The following RBPJ variants were observed in gnomAD, a reference collection of about 807,000 sequenced individuals.
RBPJ encodes the protein recombining binding protein suppressor of hairless.
In RBPJ, 9 loss-of-function variants were observed where a neutral mutation model predicts 67.8. The ratio of observed to expected loss-of-function variants is 0.13; its 90% CI spans 0.08 to 0.23. The LOEUF is 0.23. RBPJ is among the 10% of genes least tolerant of loss of function. The pLI is 1.00. For missense variants in RBPJ, 305 were observed against 595.6 expected (o/e 0.51, Z 5.08); for synonymous variants, 198 against 203.3 (o/e 0.97, Z 0.22).
At chr4:26,120,079 T>G in the RBPJ span, among the ~76,000 whole-genome samples, 4 of 152,134 alleles carry the variant, frequency 2.6e-5, no homozygotes, top group African/African-American at 9.7e-5. Flanking sequence ...GAGACACCAG[T>G]AAATGGACAC....
chr4:26,320,870 G>C, upstream of RBPJ: 7 of 1,577,134 alleles, frequency 4.4e-6, no homozygotes, highest in Middle Eastern at 1.8e-4. Flanking sequence ...GGCGGCGCGA[G>C]GCGTCTGGCT....
intron 1 of RBPJ, among the ~76,000 whole-genome samples, chr4:26,282,130 CTCTCTCTT>C (rs1721292661): frequency 1.3e-5 from 1 of 75,620 alleles, no homozygotes; most frequent in African/African-American, 4.2e-5. Flanking sequence ...AATCCTCTCT[CTCTCTCTT>C]TTTTTTTTTT....
intron 1 of RBPJ, among the ~76,000 whole-genome samples, chr4:26,374,009 C>T (rs922710935): frequency 6.7e-6 from 1 of 149,532 alleles, no homozygotes; most frequent in Non-Finnish European, 1.5e-5. Flanking sequence ...GCCTCCGCCT[C>T]CTGGGTTCAA....
Position 26,314,216 on chromosome 4 carries a change from T to G in RBPJ, c.-166-48230T>G, listed in dbSNP as rs565551373. Among the ~76,000 whole-genome samples the G allele has an allele frequency of 1.5e-3, 224 of 152,284 alleles. No homozygotes were observed. The Middle Eastern group carries it at 0.017, about 12-fold the overall frequency. On this transcript the variant is annotated intron_variant, in intron 1 of 4. Coordinates refer to the RBPJ transcript ENST00000512351. ...TACATAAAAAGCAGCCTCTGCTTAT[T>G]AATAAATATACTCTTTCATTCTATG...
intron 1 of RBPJ, among the ~76,000 whole-genome samples, chr4:26,210,805 T>G (rs894321992): frequency 3.3e-5 from 5 of 150,042 alleles, no homozygotes; most frequent in Middle Eastern, 3.4e-3. Flanking sequence ...CTTTCTTTCT[T>G]TCTTTTCTCC....
chr4:26,345,928 G>A (rs968986760), intron 1 of RBPJ, among the ~76,000 whole-genome samples: 1 of 152,052 alleles, frequency 6.6e-6, no homozygotes, highest in African/African-American at 2.4e-5. Flanking sequence ...TCTTTTCTAA[G>A]CTCTATAATG....
chr4:26,143,658 G>A, the RBPJ span, among the ~76,000 whole-genome samples: 2 of 152,210 alleles, frequency 1.3e-5, no homozygotes, highest in African/African-American at 4.8e-5. Flanking sequence ...TGGACGTGGT[G>A]GCTTATGCCT....
rs1289008222 is a variant in RBPJ, at chr4:26,214,905, A to G, written c.-167+51291A>G. ...AAAGAGAGAGAAAAAAGAGAAAAAG[A>G]AAGAAAAAAGAGAAAAAAGGAAGGA... On this transcript the variant is annotated intron_variant, in intron 1 of 4. Coordinates refer to the RBPJ transcript ENST00000512351. Among the ~76,000 whole-genome samples the G allele has an allele frequency of 3.0e-5, 3 of 99,706 alleles. No homozygotes were observed. In the Admixed American group the frequency reaches 3.2e-4, roughly 11 times the overall value. 65.4% of individuals were successfully genotyped at this position (99,706 alleles called of 152,430 possible).
the RBPJ span, among the ~76,000 whole-genome samples, chr4:26,108,520 C>A: frequency 6.6e-6 from 1 of 152,232 alleles, no homozygotes. Flanking sequence ...AAAATAAACC[C>A]TCACTCCACC....
chr4:26,193,158 C>T (rs1462634730), intron 1 of RBPJ, among the ~76,000 whole-genome samples: 1 of 152,182 alleles, frequency 6.6e-6, no homozygotes, highest in African/African-American at 2.4e-5. Context: ...CACCTTCTGA[C>T]CTCCCAAACT....
At chr4:26,161,513 C>T (rs2109106771), upstream of RBPJ, among the ~76,000 whole-genome samples, 1 of 152,340 alleles carries the variant, frequency 6.6e-6, no homozygotes, top group Non-Finnish European at 1.5e-5. Flanking sequence ...AAAGATCCCA[C>T]TGGGTCTGCC....
chr4:26,373,317 T>C (rs930044614), intron 1 of RBPJ, among the ~76,000 whole-genome samples: 8 of 152,232 alleles, frequency 5.3e-5, no homozygotes, highest in African/African-American at 1.7e-4. Context: ...GCAATTGTCA[T>C]CTTTAATTTT....
chr4:26,274,448 C>T (rs1464413924), intron 1 of RBPJ, among the ~76,000 whole-genome samples: 1 of 152,122 alleles, frequency 6.6e-6, no homozygotes, highest in South Asian at 2.1e-4. Flanking sequence ...GGCAACACGG[C>T]AAAACCCTGT....
At chr4:26,261,776 C>G (rs925077784) in intron 1 of RBPJ, among the ~76,000 whole-genome samples, 7 of 152,118 alleles carry the variant, frequency 4.6e-5, no homozygotes, top group African/African-American at 1.7e-4. Context: ...TACTTTGAGT[C>G]AGAAATTATG....
At position 26,415,576 on chromosome 4, in the gene RBPJ, C is replaced by T. The variant is rs752922399; in HGVS notation, c.257C>T (p.Pro86Leu). 1.4e-5 allele frequency: 23 copies of T among 1,611,638 alleles called. No individual in the cohort carries two copies. Among genetic ancestry groups the T allele is most frequent in the African/African-American group, 5.4e-5 (4 of 74,712 alleles). The change falls in exon 4 of 11, where the codon CCG becomes CTG. Residue 86 changes from proline (P) to leucine (L), a missense_variant. By Grantham distance (98) the Pro-to-Leu change is moderately conservative (BLOSUM62 -3). Coordinates refer to ENST00000355476, the MANE Select transcript of RBPJ (RefSeq NM_015874.6). The part of the protein sequence containing the change: ...RDGCSEQESQ[P>L]CAFIGIGNSD... ...GGTTGTTCTGAACAAGAGTCTCAAC[C>T]GTGTGCATTTATTGGGATAGGAAAT...
chr4:26,210,787 C>CT (rs1486619596), intron 1 of RBPJ, among the ~76,000 whole-genome samples: 1 of 139,144 alleles, frequency 7.2e-6, no homozygotes, highest in Non-Finnish European at 1.6e-5. Flanking sequence ...TTCTTTCTTT[C>CT]TTTCTTTCTT....
At chr4:26,402,630 G>A (rs1024839048) in intron 2 of RBPJ, among the ~76,000 whole-genome samples, 1 of 152,010 alleles carries the variant, frequency 6.6e-6, no homozygotes, top group Non-Finnish European at 1.5e-5. Context: ...CCCTTCTTTC[G>A]AGGTTGTGTC....
At chr4:26,224,879 G>A (rs2109196162) in intron 1 of RBPJ, among the ~76,000 whole-genome samples, 1 of 152,276 alleles carries the variant, frequency 6.6e-6, no homozygotes, top group Middle Eastern at 3.4e-3. Flanking sequence ...CATCCTCAAA[G>A]GAATTCCTGT....
chr4:26,425,204 A>G lies in RBPJ; in HGVS notation c.747+461A>G, dbSNP rs574666295. ...AATTTTTGTTAGCTTACTCTCTCAC[A>G]AGAAGATAGATTTATTAAAACTGAA... On this transcript the variant is annotated intron_variant, in intron 7 of 10. Transcript: ENST00000355476. Among the ~76,000 whole-genome samples the G allele has an allele frequency of 2.6e-5, 4 of 152,316 alleles. 1 individual carries two copies. The highest frequency in any genetic ancestry group is 9.6e-5 in the African/African-American group (4 of 41,564).
Sources: gnomAD v4.1 joint callset for allele counts (sites outside exome capture counted in the v4.1 genomes callset) on GRCh38, gnomAD v4.1.1 for gene constraint, MANE v1.5 for transcripts, NCBI Gene and HGNC (gene_info 2026-07-23, HGNC 2026-07-21) for gene names.